The following RBFOX1 variants were observed in gnomAD, a reference collection of about 807,000 sequenced individuals.
RBFOX1 encodes RNA binding fox-1 homolog 1.
A neutral mutation model predicts 57.7 loss-of-function variants in RBFOX1; 8 were observed. That is an observed-to-expected ratio of 0.14 (90% CI 0.08 to 0.25). The LOEUF (loss-of-function observed/expected upper bound fraction) is 0.25. RBFOX1 is among the 10% of genes least tolerant of loss of function. The pLI, the probability that RBFOX1 is intolerant of heterozygous loss-of-function variation, is 1.00. For missense variants in RBFOX1, 611 were observed against 548.5 expected (o/e 1.11, Z -1.14); for synonymous variants, 326 against 222.4 (o/e 1.47, Z -4.15).
intron 3 of RBFOX1, among the ~76,000 whole-genome samples, chr16:6,962,120 A>G (rs971774412): frequency 2.6e-5 from 4 of 152,180 alleles, no homozygotes; most frequent in African/African-American, 4.8e-5. Flanking sequence ...ATCCAGGACC[A>G]TATTTCCTCT....
intron 4 of RBFOX1, among the ~76,000 whole-genome samples, chr16:7,187,868 C>G (rs921799697): frequency 1.3e-5 from 2 of 152,010 alleles, no homozygotes; most frequent in African/African-American, 4.8e-5. Flanking sequence ...TTATGGCGGT[C>G]ATATTGGAAA....
chr16:7,133,343 T>A (rs944490687), intron 4 of RBFOX1, among the ~76,000 whole-genome samples: 2 of 152,250 alleles, frequency 1.3e-5, no homozygotes, highest in African/African-American at 2.4e-5. Context: ...TGGACTCTTG[T>A]TTCTGTAAAT....
rs117118538 is a variant in RBFOX1, at chr16:6,578,748, T to C, written c.-63-75855T>C. Among the ~76,000 whole-genome samples, 22 of 152,170 alleles carry C rather than the reference T, an allele frequency of 1.4e-4. 2 individuals are homozygous for C. The East Asian group carries it at 3.7e-3, about 25-fold the overall frequency. On this transcript the variant is annotated intron_variant, in intron 2 of 15. Transcript: ENST00000550418. ...TATTTCAAGTCAGTTATCCCAAGTT[T>C]TAGTGGGATCAAAGTAAAATAGATA... is the stretch of plus-strand genomic sequence containing the variant.
intron 4 of RBFOX1, among the ~76,000 whole-genome samples, chr16:7,333,297 A>G (rs369441366): frequency 6.6e-6 from 1 of 152,164 alleles, no homozygotes; most frequent in Non-Finnish European, 1.5e-5. Context: ...TAGTTGAGCT[A>G]TATTTGCTTG....
chr16:7,358,360 C>T (rs1042199255), intron 4 of RBFOX1, among the ~76,000 whole-genome samples: 2 of 152,170 alleles, frequency 1.3e-5, no homozygotes, highest in South Asian at 4.2e-4. Context: ...AATCTCTAAG[C>T]AGCTCCTGCA....
chr16:5,834,275 C>G (rs79876392), intron 3 of RBFOX1, among the ~76,000 whole-genome samples: 1,565 of 152,232 alleles, frequency 0.01, 19 homozygotes, highest in African/African-American at 0.036. Flanking sequence ...TTCTGAGTCT[C>G]CAATGTCCAC....
chr16:6,767,941 T>TAAGAAGAAGAAGAAGAAGAAGAAG (rs1306795041), intron 3 of RBFOX1, among the ~76,000 whole-genome samples: 18 of 85,134 alleles, frequency 2.1e-4, no homozygotes, highest in African/African-American at 1.0e-3. Flanking sequence ...ATAATAATAA[T>TAAGAAGAAGAAGAAGAAGAAGAAG]AATAATAAGA....
chr16:7,365,470 C>T (rs1020916493), intron 4 of RBFOX1, among the ~76,000 whole-genome samples: 2 of 152,130 alleles, frequency 1.3e-5, no homozygotes, highest in African/African-American at 4.8e-5. Flanking sequence ...GAGTGATTCT[C>T]AAGAAGGAGT....
intron 3 of RBFOX1, among the ~76,000 whole-genome samples, chr16:6,925,743 A>G (rs907668927): frequency 3.9e-5 from 6 of 152,086 alleles, no homozygotes; most frequent in Admixed American, 3.3e-4. Context: ...ACCCAAACAC[A>G]GACAAGCAAA....
chr16:6,286,222 T>C (rs2076896785), intron 1 of RBFOX1, among the ~76,000 whole-genome samples: 1 of 152,134 alleles, frequency 6.6e-6, no homozygotes, highest in Admixed American at 6.5e-5. Flanking sequence ...CCATCCCTGG[T>C]TTCTTCTCTT....
chr16:7,148,253 A>C (rs754708395), intron 4 of RBFOX1, among the ~76,000 whole-genome samples: 4 of 152,242 alleles, frequency 2.6e-5, no homozygotes, highest in Non-Finnish European at 5.9e-5. Flanking sequence ...GAAGAAGTTT[A>C]AAGGCACACT....
chr16:7,331,623 A>T (rs568590016), intron 4 of RBFOX1, among the ~76,000 whole-genome samples: 1 of 152,270 alleles, frequency 6.6e-6, no homozygotes, highest in Non-Finnish European at 1.5e-5. Context: ...TACTGCACAC[A>T]TCATGTTATG....
rs746071608 is a variant in RBFOX1, at chr16:6,802,751, CA to C, written c.-16+148102del. Among the ~76,000 whole-genome samples, 7 of 152,270 alleles carry C rather than the reference CA, an allele frequency of 4.6e-5. No homozygotes were observed. The South Asian group carries it at 1.2e-3, about 27-fold the overall frequency. On this transcript the variant is annotated intron_variant, in intron 3 of 15. Coordinates refer to ENST00000550418, the MANE Select transcript of RBFOX1 (RefSeq NM_018723.4). ...TTCATTTCGGCAAAAGCCATTCCCCCACGTTGTTGTAAGAATCTGATTGTTA... is the reference window on the plus strand; with the variant it reads ...TTCATTTCGGCAAAAGCCATTCCCCCCGTTGTTGTAAGAATCTGATTGTTA...
intron 4 of RBFOX1, among the ~76,000 whole-genome samples, chr16:5,972,273 C>G (rs1450251266): frequency 2.6e-5 from 4 of 152,112 alleles, no homozygotes; most frequent in African/African-American, 9.7e-5. Context: ...AATACAGTTG[C>G]TAAGTGGATT....
chr16:5,993,809 T>A (rs1359547148), intron 4 of RBFOX1, among the ~76,000 whole-genome samples: 8 of 152,184 alleles, frequency 5.3e-5, no homozygotes, highest in Admixed American at 3.3e-4. Flanking sequence ...TATGGCCGAA[T>A]GGTTCGTTTA....
chr16:5,542,010 A>T (rs1159225357), intron 2 of RBFOX1, among the ~76,000 whole-genome samples: 1 of 152,128 alleles, frequency 6.6e-6, no homozygotes, highest in Non-Finnish European at 1.5e-5. Context: ...GTTTAAAGGA[A>T]CTGCTGTTCA....
At chr16:7,072,011 A>G (rs1174254950) in intron 4 of RBFOX1, among the ~76,000 whole-genome samples, 2 of 152,114 alleles carry the variant, frequency 1.3e-5, no homozygotes, top group African/African-American at 4.8e-5. Flanking sequence ...TCACTCTCGC[A>G]AACCTACTCG....
At chr16:6,526,857 A>AAAAAAAAAAAAAAAAAAAAAAAACAAC (rs1567560941) in intron 2 of RBFOX1, among the ~76,000 whole-genome samples, 1 of 130,352 alleles carries the variant, frequency 7.7e-6, no homozygotes, top group African/African-American at 3.6e-5. Context: ...AAAAAAAAAA[A>AAAAAAAAAAAAAAAAAAAAAAAACAAC]AACAACCAGA....
intron 1 of RBFOX1, among the ~76,000 whole-genome samples, chr16:6,141,050 C>T (rs1376733): frequency 9.9e-5 from 15 of 152,272 alleles, no homozygotes; most frequent in African/African-American, 2.2e-4. Context: ...TGGAGCTCTG[C>T]GTCATTTTCA....
Sources: gnomAD v4.1 joint callset for allele counts (sites outside exome capture counted in the v4.1 genomes callset) on GRCh38, gnomAD v4.1.1 for gene constraint, MANE v1.5 for transcripts, NCBI Gene and HGNC (gene_info 2026-07-23, HGNC 2026-07-21) for gene names.